MTFR2: variants seen among roughly 807,000 people sequenced by gnomAD.
The protein encoded by MTFR2 is DUF729 domain-containing protein 1.
In MTFR2, 44 loss-of-function variants were observed where a neutral mutation model predicts 41.2. The observed-to-expected ratio is 1.07, with a 90% CI of 0.84 to 1.37. The LOEUF (loss-of-function observed/expected upper bound fraction) is 1.37, where lower values mean the gene tolerates loss of function less well. Among genes scored for constraint, MTFR2 ranks in the 40% most tolerant of loss-of-function variants. The pLI, the probability that MTFR2 is intolerant of heterozygous loss-of-function variation, is 0.00. For synonymous variants in MTFR2, 141 were observed against 154.6 expected (o/e 0.91, Z 0.65); for missense variants, 452 against 459.5 (o/e 0.98, Z 0.15).
intron 3 of MTFR2, among the ~76,000 whole-genome samples, chr6:136,243,715 A>G (rs1433179104): frequency 1.9e-5 from 2 of 103,332 alleles, no homozygotes; most frequent in South Asian, 4.9e-4. Flanking sequence ...ACCTTATCTT[A>G]AAAAAAAAAA....
At chr6:136,245,391 G>A (rs1174618429) in intron 2 of MTFR2, among the ~76,000 whole-genome samples, 1 of 152,148 alleles carries the variant, frequency 6.6e-6, no homozygotes, top group Non-Finnish European at 1.5e-5. Context: ...TATATCTGCT[G>A]GCAGTCAGCT....
At chr6:136,237,001 G>A (rs1206157380) in intron 6 of MTFR2, among the ~76,000 whole-genome samples, 1 of 152,224 alleles carries the variant, frequency 6.6e-6, no homozygotes, top group African/African-American at 2.4e-5. Context: ...AGCATGGGGC[G>A]TGGGCGCCCT....
Position 136,233,995 on chromosome 6 carries a change from T to C in MTFR2, c.870-496A>G, listed in dbSNP as rs370629487. The stretch of plus-strand genomic sequence containing the variant: ...ATTCTTACAGCAAGATTATCATCAA[T>C]ATACAAGTAAGATCATTTGGCTGGT... On this transcript the variant is annotated intron_variant, in intron 6 of 7. Coordinates refer to ENST00000420702, the MANE Select transcript of MTFR2 (RefSeq NM_001099286.3). Among the ~76,000 whole-genome samples the C allele has an allele frequency of 2.9e-4, 44 of 152,192 alleles. No individual in the cohort carries two copies. The South Asian group carries it at 9.1e-3, about 32-fold the overall frequency.
chr6:136,244,691 C>T, intron 3 of MTFR2, 74 bp downstream of exon 3: 1 of 1,013,062 alleles, frequency 9.9e-7, no homozygotes, highest in Non-Finnish European at 1.5e-6. Context: ...CTTTGTTGTT[C>T]TACCCCATAC....
intron 6 of MTFR2, among the ~76,000 whole-genome samples, chr6:136,238,707 C>CAA (rs1363598390): frequency 9.2e-4 from 139 of 150,746 alleles, no homozygotes; most frequent in African/African-American, 3.3e-3. Flanking sequence ...CACACACACA[C>CAA]ATGGAACTCA....
At chr6:136,249,464 C>T (rs1417389679) in intron 1 of MTFR2, among the ~76,000 whole-genome samples, 1 of 152,214 alleles carries the variant, frequency 6.6e-6, no homozygotes, top group Non-Finnish European at 1.5e-5. Context: ...CAGCGAAGCT[C>T]GCTCTTTCCT....
At chr6:136,238,854 C>G in intron 6 of MTFR2, among the ~76,000 whole-genome samples, 1 of 151,908 alleles carries the variant, frequency 6.6e-6, no homozygotes, top group African/African-American at 2.4e-5. Context: ...ATCGCTTGAG[C>G]TCAGGAGTTA....
chr6:136,245,726 T>C (rs1005997756), intron 2 of MTFR2, among the ~76,000 whole-genome samples: 3 of 152,264 alleles, frequency 2.0e-5, no homozygotes, highest in Non-Finnish European at 4.4e-5. Context: ...AGGTCAGGTG[T>C]AAAATTTTCC....
intron 7 of MTFR2, 200 bp downstream of exon 7, chr6:136,233,125 A>C (rs1011046746): frequency 1.6e-5 from 7 of 432,180 alleles, no homozygotes; most frequent in African/African-American, 1.4e-4. Context: ...TTTATTTCAA[A>C]AGAGCTCATG....
intron 6 of MTFR2, among the ~76,000 whole-genome samples, chr6:136,234,000 A>T (rs1040983736): frequency 6.6e-6 from 1 of 152,092 alleles, no homozygotes; most frequent in Non-Finnish European, 1.5e-5. Flanking sequence ...ATCAATATAC[A>T]AGTAAGATCA....
At chr6:136,238,488 A>C (rs1779963699) in intron 6 of MTFR2, among the ~76,000 whole-genome samples, 1 of 151,958 alleles carries the variant, frequency 6.6e-6, no homozygotes, top group African/African-American at 2.4e-5. Flanking sequence ...CAAACTATAG[A>C]AGTAGAAAGA....
chr6:136,231,214 A>C lies in MTFR2; in HGVS notation c.*61T>G, dbSNP rs1779743325. ...CCTTTAACAGTCCAAATCAGTTTCT[A>C]AGAATAATTTATCATCCAGGAAGAA... On this transcript the variant is annotated 3_prime_UTR_variant, in exon 8 of 8. Coordinates refer to ENST00000420702, the MANE Select transcript of MTFR2 (RefSeq NM_001099286.3). The C allele has an allele frequency of 9.1e-7, 1 of 1,104,160 alleles. No homozygotes were observed. Among genetic ancestry groups the C allele is most frequent in the East Asian group, 2.5e-5 (1 of 40,296 alleles). The allele number at this position is 1,104,160 out of a possible 1,614,324, so 68.4% of individuals were successfully genotyped here.
intron 4 of MTFR2, 88 bp from the exon 5 acceptor site, chr6:136,241,764 A>G: frequency 3.0e-6 from 3 of 1,010,670 alleles, no homozygotes; most frequent in Non-Finnish European, 4.3e-6. Flanking sequence ...GTGAAAATCA[A>G]AAGACAATAA....
intron 6 of MTFR2, among the ~76,000 whole-genome samples, chr6:136,238,148 G>A (rs1289680545): frequency 6.6e-6 from 1 of 152,204 alleles, no homozygotes; most frequent in African/African-American, 2.4e-5. Context: ...CACATTCATT[G>A]CAGTGCTATT....
In MTFR2 at chr6:136,231,118, G is replaced by C. The variant is rs1212640025; in HGVS notation, c.*157C>G. 99 of 565,680 alleles carry C rather than the reference G, an allele frequency of 1.8e-4. No individual in the cohort carries two copies. The highest frequency in any genetic ancestry group is 5.0e-5 in the Non-Finnish European group (16 of 318,544). The allele number at this position is 565,680 out of a possible 1,614,324, so 35.0% of individuals were successfully genotyped here. ...AGGAACAAAGGAAACAAAAATGACA[G>C]GCATACATATTTACATAGCAAGTGT... is the stretch of plus-strand genomic sequence containing the variant. On this transcript the variant is annotated 3_prime_UTR_variant, in exon 8 of 8. Coordinates refer to ENST00000420702, the MANE Select transcript of MTFR2 (RefSeq NM_001099286.3).
At chr6:136,233,037 C>T in intron 7 of MTFR2, 1 of 240,542 alleles carries the variant, frequency 4.2e-6, no homozygotes, top group Non-Finnish European at 8.3e-6. Context: ...CCAGTTCATA[C>T]TGCAGATGGC....
At position 136,231,208 on chromosome 6, in the gene MTFR2, G is replaced by T; in HGVS notation, c.*67C>A. 1 of 1,070,802 alleles carries T rather than the reference G, an allele frequency of 9.3e-7. No individual in the cohort carries two copies. The allele number at this position is 1,070,802 out of a possible 1,614,324, so 66.3% of individuals were successfully genotyped here. On this transcript the variant is annotated 3_prime_UTR_variant, in exon 8 of 8. Transcript: ENST00000420702. ...TTTTAGCCTTTAACAGTCCAAATCAGTTTCTAAGAATAATTTATCATCCAG... is the reference window on the plus strand; with the variant it reads ...TTTTAGCCTTTAACAGTCCAAATCATTTTCTAAGAATAATTTATCATCCAG...
At chr6:136,240,953 T>C (rs552114800) in intron 5 of MTFR2, among the ~76,000 whole-genome samples, 197 of 152,180 alleles carry the variant, frequency 1.3e-3, no homozygotes, top group South Asian at 2.9e-3. Flanking sequence ...TAGCCGAGCG[T>C]GGTGGCGGGC....
At chr6:136,248,959 G>T in intron 2 of MTFR2, 78 bp downstream of exon 2, 1 of 1,299,292 alleles carries the variant, frequency 7.7e-7, no homozygotes, top group East Asian at 2.4e-5. Context: ...TAAATCAAAT[G>T]ATTACATATA....
Sources: allele counts gnomAD v4.1 joint callset (sites outside exome capture counted in the v4.1 genomes callset), GRCh38; gene constraint gnomAD v4.1.1; transcripts MANE v1.5; gene names NCBI Gene and HGNC (gene_info 2026-07-23, HGNC 2026-07-21).